SUCLG2: variants seen among roughly 807,000 people sequenced by gnomAD.
The protein encoded by SUCLG2 is succinate-CoA ligase GDP-forming subunit beta.
In SUCLG2, 42 loss-of-function variants were observed where a neutral mutation model predicts 47.9. The observed-to-expected ratio is 0.88, with a 90% CI of 0.69 to 1.14. The LOEUF is 1.14. SUCLG2 is among the 50% of genes most tolerant of loss of function. The probability of loss-of-function intolerance (pLI) is 0.00; values close to 1 mark genes in which losing one functional copy is unlikely to be tolerated. For missense variants in SUCLG2, 571 were observed against 525.9 expected (o/e 1.09, Z -0.84); for synonymous variants, 195 against 197.3 (o/e 0.99, Z 0.10).
chr3:67,495,768 A>AT (rs1705319285), intron 9 of SUCLG2, 30 bp downstream of exon 9: 2 of 1,611,766 alleles, frequency 1.2e-6, no homozygotes, highest in African/African-American at 2.7e-5. Flanking sequence ...TAAAACTGGC[A>AT]TATAATCTCC....
downstream of SUCLG2, chr3:67,374,652 G>A (rs1032359928): frequency 1.7e-5 from 10 of 592,404 alleles, no homozygotes; most frequent in African/African-American, 1.8e-4. Context: ...ACTAAGACTA[G>A]TGTCTTTGTA....
intron 2 of SUCLG2, among the ~76,000 whole-genome samples, chr3:67,592,189 G>C (rs1708180811): frequency 6.6e-6 from 1 of 152,196 alleles, no homozygotes; most frequent in South Asian, 2.1e-4. Flanking sequence ...GAACCCAGAA[G>C]GTCTGGCTTT....
At chr3:67,365,944 T>C (rs955299157) in intron 10 of SUCLG2, among the ~76,000 whole-genome samples, 4 of 152,290 alleles carry the variant, frequency 2.6e-5, no homozygotes, top group Admixed American at 1.3e-4. Flanking sequence ...TTTTTCAAAA[T>C]TGAATAGATT....
At chr3:67,624,728 G>C (rs1017146678) in intron 1 of SUCLG2, among the ~76,000 whole-genome samples, 16 of 152,104 alleles carry the variant, frequency 1.1e-4, no homozygotes, top group African/African-American at 3.4e-4. Context: ...ATAATCCATA[G>C]AAGTTAAATT....
chr3:67,521,246 T>C (rs1439170042), intron 4 of SUCLG2, among the ~76,000 whole-genome samples: 1 of 152,130 alleles, frequency 6.6e-6, no homozygotes, highest in Non-Finnish European at 1.5e-5. Context: ...CTACCTCAAA[T>C]AAACCCTCGG....
chr3:67,555,239 T>C (rs964997592), intron 2 of SUCLG2, among the ~76,000 whole-genome samples: 1 of 152,174 alleles, frequency 6.6e-6, no homozygotes, highest in Non-Finnish European at 1.5e-5. Context: ...AGTATCAATA[T>C]AAACCCAATA....
chr3:67,495,998 T>C, intron 8 of SUCLG2, 58 bp from the exon 9 acceptor site: 1 of 1,603,680 alleles, frequency 6.2e-7, no homozygotes, highest in Non-Finnish European at 8.5e-7. Context: ...AAATGGTCCA[T>C]AAACATTTTC....
intron 1 of SUCLG2, among the ~76,000 whole-genome samples, chr3:67,613,788 G>C (rs991806865): frequency 2.6e-5 from 4 of 152,198 alleles, no homozygotes; most frequent in Non-Finnish European, 5.9e-5. Context: ...CTCTGAAACA[G>C]TAAAACTTCT....
At chr3:67,498,757 C>T (rs1455295847) in intron 7 of SUCLG2, among the ~76,000 whole-genome samples, 1 of 152,118 alleles carries the variant, frequency 6.6e-6, no homozygotes, top group African/African-American at 2.4e-5. Context: ...TTTATTGAAT[C>T]AGTATCCTGT....
chr3:67,412,510 C>A (rs1702952049), intron 9 of SUCLG2, among the ~76,000 whole-genome samples: 1 of 152,144 alleles, frequency 6.6e-6, no homozygotes, highest in South Asian at 2.1e-4. Flanking sequence ...GGGAGGCTGA[C>A]TAGAGAGAAC....
At chr3:67,408,086 A>T (rs1702855561) in intron 9 of SUCLG2, among the ~76,000 whole-genome samples, 1 of 152,212 alleles carries the variant, frequency 6.6e-6, no homozygotes, top group African/African-American at 2.4e-5. Context: ...AATAATACAA[A>T]TAAACCAACA....
intron 9 of SUCLG2, among the ~76,000 whole-genome samples, chr3:67,411,736 A>G (rs892994994): frequency 6.6e-6 from 1 of 152,226 alleles, no homozygotes; most frequent in African/African-American, 2.4e-5. Flanking sequence ...TCATTCCAGT[A>G]AAATGACTCT....
At chr3:67,366,746 T>C (rs1158092959) in intron 10 of SUCLG2, among the ~76,000 whole-genome samples, 1 of 152,128 alleles carries the variant, frequency 6.6e-6, no homozygotes, top group Non-Finnish European at 1.5e-5. Flanking sequence ...CTGTTAGAGT[T>C]TGGGAAGAAC....
chr3:67,567,998 T>C (rs992903088), intron 2 of SUCLG2, among the ~76,000 whole-genome samples: 2 of 152,192 alleles, frequency 1.3e-5, no homozygotes, highest in Admixed American at 6.5e-5. Flanking sequence ...CTCTTAAGAA[T>C]GGCTGCACAA....
chr3:67,585,953 C>T (rs1352372595), intron 2 of SUCLG2, among the ~76,000 whole-genome samples: 2 of 102,558 alleles, frequency 2.0e-5, no homozygotes, highest in Non-Finnish European at 3.6e-5. Flanking sequence ...GGCAAAAGAG[C>T]AAGACTCCAT....
At chr3:67,553,955 A>G (rs1707089892) in intron 2 of SUCLG2, among the ~76,000 whole-genome samples, 1 of 152,204 alleles carries the variant, frequency 6.6e-6, no homozygotes, top group Non-Finnish European at 1.5e-5. Flanking sequence ...GGTTTCAGAA[A>G]TTTTATCATG....
intron 9 of SUCLG2, among the ~76,000 whole-genome samples, chr3:67,459,424 T>C (rs1316653114): frequency 1.3e-5 from 2 of 152,178 alleles, no homozygotes; most frequent in Admixed American, 1.3e-4. Flanking sequence ...AACTATTCCA[T>C]CTTCAAAACA....
chr3:67,594,866 T>A (rs1226570087), intron 2 of SUCLG2, among the ~76,000 whole-genome samples: 1 of 152,212 alleles, frequency 6.6e-6, no homozygotes, highest in African/African-American at 2.4e-5. Flanking sequence ...GGGTTTGATT[T>A]TTTAAGAGTT....
intron 2 of SUCLG2, among the ~76,000 whole-genome samples, chr3:67,597,456 C>T (rs1708319187): frequency 6.6e-6 from 1 of 152,138 alleles, no homozygotes; most frequent in Admixed American, 6.5e-5. Flanking sequence ...GGAATTCACA[C>T]TACAGTCCAG....
Sources: gnomAD v4.1 joint callset for allele counts (sites outside exome capture counted in the v4.1 genomes callset) on GRCh38, gnomAD v4.1.1 for gene constraint, MANE v1.5 for transcripts, NCBI Gene and HGNC (gene_info 2026-07-23, HGNC 2026-07-21) for gene names.